Variants in AFF2 observed in about 807,000 individuals in gnomAD.
AFF2 encodes AF4/FMR2 family member 2.
In AFF2, 14 loss-of-function variants were observed where a neutral mutation model predicts 76.9. The ratio of observed to expected loss-of-function variants is 0.18; its 90% CI spans 0.12 to 0.28. The LOEUF (loss-of-function observed/expected upper bound fraction) is 0.28, where lower values mean the gene tolerates loss of function less well. Ranked by LOEUF, AFF2 falls within the 10% of genes least tolerant of loss-of-function variation. The pLI, the probability that AFF2 is intolerant of heterozygous loss-of-function variation, is 1.00. For synonymous variants in AFF2, 398 were observed against 366.7 expected (o/e 1.09, Z -0.98); for missense variants, 868 against 1,001.1 (o/e 0.87, Z 1.79).
At chrX:148,528,273 T>G (rs1227581611) in intron 1 of AFF2, among the ~76,000 whole-genome samples, 1 of 112,303 alleles carries the variant, frequency 8.9e-6, no homozygotes, top group Non-Finnish European at 1.9e-5. Flanking sequence ...ACCTTTTAGA[T>G]ATTTTTCTAC....
chrX:148,982,066 G>C (rs1161862109), intron 19 of AFF2, among the ~76,000 whole-genome samples: 3 of 112,046 alleles, frequency 2.7e-5, no homozygotes, highest in Admixed American at 1.9e-4. Context: ...TGTTTTCCCT[G>C]AGCACAGAGT....
chrX:148,859,798 G>T (rs782060255), intron 7 of AFF2, among the ~76,000 whole-genome samples: 1 of 110,680 alleles, frequency 9.0e-6, no homozygotes, highest in African/African-American at 3.3e-5. Context: ...GTTTTATGTC[G>T]TTTATTCTTT....
chrX:148,625,324 A>G (rs1422850592), intron 1 of AFF2, among the ~76,000 whole-genome samples: 1 of 111,170 alleles, frequency 9.0e-6, no homozygotes, highest in Non-Finnish European at 1.9e-5. Flanking sequence ...CTGTCCTGAG[A>G]CTAACGTGAC....
intron 7 of AFF2, among the ~76,000 whole-genome samples, chrX:148,848,434 C>T (rs1320678544): frequency 8.9e-6 from 1 of 111,969 alleles, no homozygotes; most frequent in Admixed American, 9.4e-5. Flanking sequence ...CAACCCTGGC[C>T]ATCCTTTTAC....
intron 7 of AFF2, among the ~76,000 whole-genome samples, chrX:148,872,346 G>A (rs1343994015): frequency 1.8e-5 from 2 of 111,516 alleles, no homozygotes; most frequent in Non-Finnish European, 3.8e-5. Flanking sequence ...GCCTGTTTTA[G>A]ACATTTCATA....
chrX:148,765,448 G>A, intron 3 of AFF2, among the ~76,000 whole-genome samples: 1 of 111,511 alleles, frequency 9.0e-6, no homozygotes, highest in Admixed American at 9.5e-5. Context: ...TTTCTGTCAG[G>A]AGAAGTGGAC....
intron 1 of AFF2, among the ~76,000 whole-genome samples, chrX:148,559,113 C>T: frequency 9.0e-6 from 1 of 111,238 alleles, no homozygotes; most frequent in Non-Finnish European, 1.9e-5. Context: ...AAATGGACTT[C>T]TTTTCTACTC....
intron 3 of AFF2, chrX:148,718,945 A>G: frequency 2.0e-6 from 1 of 491,210 alleles, no homozygotes; most frequent in Non-Finnish European, 3.1e-6. Context: ...TAGTTTGAGT[A>G]TTCAGGTGTC....
At chrX:148,564,850 A>G (rs1223008033) in intron 1 of AFF2, among the ~76,000 whole-genome samples, 1 of 111,955 alleles carries the variant, frequency 8.9e-6, no homozygotes, top group Non-Finnish European at 1.9e-5. Flanking sequence ...GTTCCTAGGT[A>G]GCACATTCCA....
intron 1 of AFF2, among the ~76,000 whole-genome samples, chrX:148,644,159 C>T (rs2054118496): frequency 9.0e-6 from 1 of 111,631 alleles, no homozygotes; most frequent in African/African-American, 3.3e-5. Flanking sequence ...CCTGAGAAGC[C>T]GAGATATTCT....
At chrX:148,568,166 CAT>C (rs2053189337) in intron 1 of AFF2, among the ~76,000 whole-genome samples, 1 of 111,430 alleles carries the variant, frequency 9.0e-6, no homozygotes, top group Non-Finnish European at 1.9e-5. Flanking sequence ...AAAAGATAAA[CAT>C]AGGAAAGCTT....
chrX:148,501,439 C>A (rs1051947504), intron 1 of AFF2, among the ~76,000 whole-genome samples: 1 of 112,867 alleles, frequency 8.9e-6, no homozygotes, highest in Non-Finnish European at 1.9e-5. Context: ...CTGAACCGCA[C>A]GACCTCCCAG....
At position 148,987,750 on chromosome X, in the gene AFF2, G is replaced by A. The variant is rs782179183; in HGVS notation, c.3814+193G>A. Among the ~76,000 whole-genome samples the A allele has an allele frequency of 6.3e-5, 7 of 111,398 alleles. No individual in the cohort carries two copies. In the South Asian group the frequency reaches 1.1e-3, roughly 18 times the overall value. ...ATTCCTGAGAGCATAAAAAAGCCCC[G>A]GAATTTTGTCCTCCTTTAAAGCTTA... On this transcript the variant is annotated intron_variant, in intron 20 of 20. Transcript: ENST00000370460.
At chrX:148,621,589 TAAC>T (rs2053868723) in intron 1 of AFF2, among the ~76,000 whole-genome samples, 1 of 112,042 alleles carries the variant, frequency 8.9e-6, no homozygotes, top group African/African-American at 3.2e-5. Context: ...GTAATCATAA[TAAC>T]AACTACAATT....
At chrX:148,528,393 AC>A (rs11364587) in intron 1 of AFF2, among the ~76,000 whole-genome samples, 6,215 of 111,892 alleles carry the variant, frequency 0.056, 221 homozygotes, top group Middle Eastern at 0.12. Context: ...ATCAGTCATC[AC>A]TTCCTACTCT....
intron 1 of AFF2, among the ~76,000 whole-genome samples, chrX:148,516,802 A>G (rs889431303): frequency 9.0e-6 from 1 of 111,631 alleles, no homozygotes; most frequent in South Asian, 3.8e-4. Context: ...ATGTTGCTCA[A>G]CGTTGGCCCC....
rs183365709 is a variant in AFF2 at position 148,708,973 on chromosome X, G to A, written c.1041+46205G>A. Reference sequence around the variant, plus strand: ...TTATGTTAGATTTTGCATTTTTTTCGTTACCATTGTACTTTAACCTGACGG... The same window carrying A: ...TTATGTTAGATTTTGCATTTTTTTCATTACCATTGTACTTTAACCTGACGG... On this transcript the variant is annotated intron_variant, in intron 3 of 20. Coordinates refer to ENST00000370460, the MANE Select transcript of AFF2 (RefSeq NM_002025.4). Among the ~76,000 whole-genome samples the A allele has an allele frequency of 2.0e-3, 225 of 110,928 alleles. 3 individuals are homozygous for A. The highest frequency in any genetic ancestry group is 6.9e-3 in the African/African-American group (212 of 30,523).
intron 1 of AFF2, among the ~76,000 whole-genome samples, chrX:148,562,992 C>T (rs1557240962): frequency 8.9e-6 from 1 of 111,866 alleles, no homozygotes; most frequent in African/African-American, 3.3e-5. Flanking sequence ...AGGAAGAGGC[C>T]GACTTTAGCC....
chrX:148,682,023 T>C (rs1479951100), intron 3 of AFF2, among the ~76,000 whole-genome samples: 2 of 111,982 alleles, frequency 1.8e-5, no homozygotes, highest in East Asian at 5.6e-4. Context: ...TGTACAAACT[T>C]ATAATGTAGC....
Sources: allele counts gnomAD v4.1 joint callset (sites outside exome capture counted in the v4.1 genomes callset), GRCh38; gene constraint gnomAD v4.1.1; transcripts MANE v1.5; gene names NCBI Gene and HGNC (gene_info 2026-07-23, HGNC 2026-07-21).